SLC25A48: variants seen among roughly 807,000 people sequenced by gnomAD.
SLC25A48 encodes CTC-321K16.1.
SLC25A48 carries 29 observed loss-of-function variants against 32.2 expected under a neutral mutation model. The observed-to-expected ratio is 0.90, with a 90% CI of 0.67 to 1.23. The LOEUF (loss-of-function observed/expected upper bound fraction) is 1.23. Ranked by LOEUF, SLC25A48 falls within the 50% of genes most tolerant of loss-of-function variation. The probability of loss-of-function intolerance (pLI) is 0.00; values close to 1 mark genes in which losing one functional copy is unlikely to be tolerated. For missense variants in SLC25A48, 399 were observed against 422.7 expected (o/e 0.94, Z 0.49); for synonymous variants, 164 against 172.3 (o/e 0.95, Z 0.38).
At chr5:135,639,669 T>C (rs1469643952) in intron 3 of SLC25A48, among the ~76,000 whole-genome samples, 1 of 152,192 alleles carries the variant, frequency 6.6e-6, no homozygotes, top group African/African-American at 2.4e-5. Flanking sequence ...GGAAAGGTCA[T>C]GTATTAGGAA....
chr5:135,841,001 T>C (rs1379132874), intron 1 of SLC25A48, among the ~76,000 whole-genome samples: 1 of 152,248 alleles, frequency 6.6e-6, no homozygotes, highest in African/African-American at 2.4e-5. Context: ...CCAAACTGTT[T>C]CCACCATGGC....
chr5:135,784,497 G>A (rs1756789824), intron 3 of SLC25A48, among the ~76,000 whole-genome samples: 1 of 117,088 alleles, frequency 8.5e-6, no homozygotes, highest in Admixed American at 8.7e-5. Context: ...CACATTCCCT[G>A]TGTGATATTG....
At chr5:135,763,145 G>A (rs1324524981) in intron 3 of SLC25A48, among the ~76,000 whole-genome samples, 6 of 152,060 alleles carry the variant, frequency 3.9e-5, no homozygotes, top group Non-Finnish European at 7.4e-5. Flanking sequence ...AACCCTGACC[G>A]TGGAGAGCTC....
At chr5:135,580,411 A>C (rs144277832) in intron 1 of SLC25A48, among the ~76,000 whole-genome samples, 1 of 152,212 alleles carries the variant, frequency 6.6e-6, no homozygotes, top group Non-Finnish European at 1.5e-5. Flanking sequence ...TCAGCCTGGC[A>C]GTTCCCTGGA....
At chr5:135,788,200 G>C (rs999378906) in intron 3 of SLC25A48, among the ~76,000 whole-genome samples, 30 of 151,380 alleles carry the variant, frequency 2.0e-4, no homozygotes, top group African/African-American at 6.1e-4. Flanking sequence ...CTTGTAGCGG[G>C]GGTCGTAGCA....
intron 3 of SLC25A48, among the ~76,000 whole-genome samples, chr5:135,677,950 C>T (rs1753808577): frequency 6.6e-6 from 1 of 152,130 alleles, no homozygotes; most frequent in African/African-American, 2.4e-5. Flanking sequence ...TTAGAATTTT[C>T]TCTTTGTCAT....
At chr5:135,588,816 G>A (rs367788836) in intron 1 of SLC25A48, among the ~76,000 whole-genome samples, 2 of 152,182 alleles carry the variant, frequency 1.3e-5, no homozygotes, top group Non-Finnish European at 2.9e-5. Context: ...CAGCAAGAGG[G>A]TATTGCGGAG....
intron 1 of SLC25A48, among the ~76,000 whole-genome samples, chr5:135,595,200 A>G (rs1751617580): frequency 6.6e-6 from 1 of 151,884 alleles, no homozygotes; most frequent in African/African-American, 2.4e-5. Flanking sequence ...ACCCTGCTCC[A>G]CTCTCATGCA....
At chr5:135,653,840 A>C (rs1580757633) in intron 3 of SLC25A48, 1 of 456,136 alleles carries the variant, frequency 2.2e-6, no homozygotes, top group Admixed American at 2.3e-5. Context: ...ATGGGATCCA[A>C]CCTCCAGGAC....
intron 4 of SLC25A48, among the ~76,000 whole-genome samples, chr5:135,815,768 A>G (rs1757701175): frequency 6.6e-6 from 1 of 152,214 alleles, no homozygotes; most frequent in South Asian, 2.1e-4. Flanking sequence ...GAGTGCAGAT[A>G]TTCTCTGTCA....
rs1265397394 is a variant in SLC25A48 at position 135,871,518 on chromosome 5, G to C, written c.479G>C (p.Gly160Ala). ...VAPAEQPAYQ[G>A]PVHCITTIVR... ...CCTGCGGAGCAGCCAGCATACCAGG[G>C]GCCAGTGCACTGCATTACAACCATT... Residue 160 changes from glycine to alanine, a missense_variant, in exon 5 of 8, where the codon GGG becomes GCG. By Grantham distance (60) the Gly-to-Ala change is moderately conservative. Transcript: ENST00000681962. The C allele has an allele frequency of 1.2e-6, 2 of 1,611,856 alleles. No homozygotes were observed. The highest frequency in any genetic ancestry group is 2.2e-5 in the South Asian group (2 of 90,988).
chr5:135,843,468 T>C (rs1453564087), intron 2 of SLC25A48, among the ~76,000 whole-genome samples: 1 of 152,186 alleles, frequency 6.6e-6, no homozygotes. Context: ...AGGAGACAGA[T>C]ATTTTTAGGA....
chr5:135,791,677 G>A (rs12654633), intron 3 of SLC25A48, among the ~76,000 whole-genome samples: 98,677 of 150,742 alleles, frequency 0.65, 34,210 homozygotes, highest in Non-Finnish European at 0.77. Flanking sequence ...TATTATAGGG[G>A]GATGTTACTA....
At chr5:135,840,488 G>A (rs1758897736) in intron 1 of SLC25A48, among the ~76,000 whole-genome samples, 1 of 152,206 alleles carries the variant, frequency 6.6e-6, no homozygotes, top group Admixed American at 6.5e-5. Flanking sequence ...TCACAACACT[G>A]TGCAACCATC....
chr5:135,685,419 T>C (rs918489569), intron 3 of SLC25A48, among the ~76,000 whole-genome samples: 5 of 149,056 alleles, frequency 3.4e-5, no homozygotes, highest in African/African-American at 4.9e-5. Flanking sequence ...GAAGCTGTTT[T>C]AGATGTAAGG....
At chr5:135,729,068 G>T (rs1755165047) in intron 3 of SLC25A48, among the ~76,000 whole-genome samples, 1 of 152,060 alleles carries the variant, frequency 6.6e-6, no homozygotes, top group Non-Finnish European at 1.5e-5. Context: ...CCTTTTAGAA[G>T]ATTTCCCCAT....
At chr5:135,728,936 C>A (rs1755161592) in intron 3 of SLC25A48, among the ~76,000 whole-genome samples, 1 of 151,754 alleles carries the variant, frequency 6.6e-6, no homozygotes, top group African/African-American at 2.4e-5. Flanking sequence ...ATGAGAGCTC[C>A]ACATTCTCTA....
intron 3 of SLC25A48, among the ~76,000 whole-genome samples, chr5:135,772,865 T>G (rs1756449880): frequency 6.6e-6 from 1 of 151,204 alleles, no homozygotes. Flanking sequence ...TAATATTACT[T>G]TCAATATTGC....
intron 3 of SLC25A48, among the ~76,000 whole-genome samples, chr5:135,724,246 C>A (rs975533251): frequency 6.6e-6 from 1 of 152,164 alleles, no homozygotes; most frequent in African/African-American, 2.4e-5. Flanking sequence ...TTGTTTAATG[C>A]CATTAGTTGC....
Sources: allele counts gnomAD v4.1 joint callset (sites outside exome capture counted in the v4.1 genomes callset), GRCh38; gene constraint gnomAD v4.1.1; transcripts MANE v1.5; gene names NCBI Gene and HGNC (gene_info 2026-07-23, HGNC 2026-07-21).